DLGAP4: variants seen among roughly 807,000 people sequenced by gnomAD.
The protein encoded by DLGAP4 is disks large-associated protein 4.
A neutral mutation model predicts 86.9 loss-of-function variants in DLGAP4; 18 were observed. That is an observed-to-expected ratio of 0.21 (90% CI 0.14 to 0.31). DLGAP4 has a LOEUF of 0.31. Among genes scored for constraint, DLGAP4 ranks in the 10% least tolerant of loss-of-function variants. The pLI is 1.00. For missense variants in DLGAP4, 1,085 were observed against 1,362.6 expected, an observed-to-expected ratio of 0.80 and a Z score of 3.21; for synonymous variants, 548 against 574.3, an observed-to-expected ratio of 0.95 and a Z score of 0.65.
intron 1 of DLGAP4, among the ~76,000 whole-genome samples, chr20:36,326,306 T>G (rs1363265296): frequency 4.6e-5 from 7 of 152,228 alleles, no homozygotes; most frequent in African/African-American, 1.4e-4. Flanking sequence ...TCTTTTCTTA[T>G]TTTTCTGCTA....
chr20:36,378,395 T>C (rs1018876533), intron 2 of DLGAP4, among the ~76,000 whole-genome samples: 2 of 152,234 alleles, frequency 1.3e-5, no homozygotes, highest in African/African-American at 4.8e-5. Context: ...GTTATCATTA[T>C]TATTTGGGCT....
At chr20:36,421,178 G>A (rs548329082) in intron 2 of DLGAP4, among the ~76,000 whole-genome samples, 5 of 151,432 alleles carry the variant, frequency 3.3e-5, no homozygotes, top group Non-Finnish European at 5.9e-5. Flanking sequence ...ACTAGGGGCC[G>A]GGCGCGGTGG....
chr20:36,526,144 G>A (rs1264415751), intron 12 of DLGAP4, 138 bp downstream of exon 12: 7 of 1,274,444 alleles, frequency 5.5e-6, no homozygotes, highest in South Asian at 3.7e-5. Flanking sequence ...CCATCACTGC[G>A]TGGGGTCCAT....
At position 36,341,771 on chromosome 20, in the gene DLGAP4, C is replaced by T. The variant is rs115692013; in HGVS notation, c.-303-25274C>T. Reference sequence around the variant, plus strand: ...TGAACAGATGGGAGAACAAGCTTCTCCCAGAGTCACCCAGACATCGGGGGA... The same window carrying T: ...TGAACAGATGGGAGAACAAGCTTCTTCCAGAGTCACCCAGACATCGGGGGA... On this transcript the variant is annotated intron_variant, in intron 1 of 12. Coordinates refer to ENST00000339266, the MANE Select transcript of DLGAP4 (RefSeq NM_001365621.2). 6.8e-3 allele frequency among the ~76,000 whole-genome samples: 1,042 copies of T among 152,294 alleles called. 16 individuals are homozygous for T. The highest frequency in any genetic ancestry group is 0.024 in the African/African-American group (997 of 41,564).
chr20:36,453,529 G>T (rs1438101158), intron 7 of DLGAP4, among the ~76,000 whole-genome samples: 4 of 152,090 alleles, frequency 2.6e-5, no homozygotes, highest in Admixed American at 2.6e-4. Context: ...ACAGCTACTT[G>T]GGAGGCTGAG....
At chr20:36,489,001 C>T (rs757376914) in intron 7 of DLGAP4, among the ~76,000 whole-genome samples, 1 of 152,214 alleles carries the variant, frequency 6.6e-6, no homozygotes, top group Non-Finnish European at 1.5e-5. Context: ...CCTTCTTGCA[C>T]TGAGAACACT....
At chr20:36,425,556 T>C (rs1399194714) in intron 2 of DLGAP4, among the ~76,000 whole-genome samples, 2 of 117,000 alleles carry the variant, frequency 1.7e-5, no homozygotes, top group African/African-American at 3.3e-5. Context: ...CTGGGCGTGG[T>C]GGCTCGCCTG....
At chr20:36,391,719 C>A (rs1208534469) in intron 2 of DLGAP4, among the ~76,000 whole-genome samples, 1 of 152,204 alleles carries the variant, frequency 6.6e-6, no homozygotes, top group Non-Finnish European at 1.5e-5. Flanking sequence ...CTTCACCCCC[C>A]AGTCTATAGT....
At position 36,327,826 on chromosome 20, in the gene DLGAP4, C is replaced by T. The variant is rs1555891131; in HGVS notation, c.-304+21314C>T. Among the ~76,000 whole-genome samples the T allele has an allele frequency of 2.7e-5, 4 of 146,704 alleles. No individual in the cohort carries two copies. The South Asian group carries it at 6.4e-4, about 23-fold the overall frequency. The stretch of plus-strand genomic sequence containing the variant: ...CGGGATGGTCTCGATCTCCTGACCT[C>T]GTGATCCGCCCGCCTCGGCCTCCCA... On this transcript the variant is annotated intron_variant, in intron 1 of 12. Coordinates refer to ENST00000339266, the MANE Select transcript of DLGAP4 (RefSeq NM_001365621.2).
At chr20:36,445,310 C>T (rs1382783240) in intron 6 of DLGAP4, among the ~76,000 whole-genome samples, 1 of 152,182 alleles carries the variant, frequency 6.6e-6, no homozygotes, top group African/African-American at 2.4e-5. Flanking sequence ...TTGAGACCAG[C>T]CTAGCCAATA....
chr20:36,320,693 CT>C (rs1441858337), intron 1 of DLGAP4, among the ~76,000 whole-genome samples: 1 of 152,194 alleles, frequency 6.6e-6, no homozygotes, highest in Non-Finnish European at 1.5e-5. Flanking sequence ...CTGGGCCCCC[CT>C]GAGCCCTTTG....
Position 36,500,192 on chromosome 20 carries a change from C to T in DLGAP4, c.2100-7C>T. On this transcript the variant is annotated splice_polypyrimidine_tract_variant and splice_region_variant and intron_variant, in intron 9 of 12. Transcript: ENST00000339266. This position sits in a 1 kb window ranked among gnomAD's most constrained non-coding sequence, Gnocchi z 4.6. Reference sequence around the variant, plus strand: ...CTGTCCCCACCCCATCCACCCCCTACCCACAGAAGCAGCGTCCCCTCTCAC... The same window carrying T: ...CTGTCCCCACCCCATCCACCCCCTATCCACAGAAGCAGCGTCCCCTCTCAC... 1.4e-6 allele frequency: 2 copies of T among 1,479,000 alleles called. No homozygotes were observed. Among genetic ancestry groups the T allele is most frequent in the Admixed American group, 2.2e-5 (1 of 45,948 alleles). 91.6% of individuals were successfully genotyped at this position (1,479,000 alleles called of 1,614,324 possible).
chr20:36,455,321 C>T (rs868139350), intron 7 of DLGAP4, among the ~76,000 whole-genome samples: 2 of 152,082 alleles, frequency 1.3e-5, no homozygotes, highest in Admixed American at 6.6e-5. Context: ...CCCTCCTCCC[C>T]GTCCTCCCTT....
At chr20:36,316,257 C>G (rs1246770773) in intron 1 of DLGAP4, among the ~76,000 whole-genome samples, 2 of 152,238 alleles carry the variant, frequency 1.3e-5, no homozygotes, top group East Asian at 3.9e-4. Context: ...GGCCCAGAGC[C>G]CTGAATGAGG....
intron 2 of DLGAP4, among the ~76,000 whole-genome samples, chr20:36,380,583 G>C (rs1416510385): frequency 7.0e-6 from 1 of 143,368 alleles, no homozygotes; most frequent in African/African-American, 2.6e-5. Flanking sequence ...GCAAGACCCT[G>C]TCTGCATTAA....
intron 7 of DLGAP4, among the ~76,000 whole-genome samples, chr20:36,466,690 T>C (rs1333126599): frequency 1.3e-5 from 2 of 152,228 alleles, no homozygotes; most frequent in Non-Finnish European, 2.9e-5. Flanking sequence ...AGCCACATTC[T>C]AGAGCTAAAA....
intron 7 of DLGAP4, among the ~76,000 whole-genome samples, chr20:36,477,775 CA>C (rs2035011699): frequency 6.6e-6 from 1 of 152,198 alleles, no homozygotes; most frequent in African/African-American, 2.4e-5. Flanking sequence ...AGAATCCTAG[CA>C]CAGTGTTTGG....
At chr20:36,420,686 A>C (rs983258590) in intron 2 of DLGAP4, among the ~76,000 whole-genome samples, 1 of 151,878 alleles carries the variant, frequency 6.6e-6, no homozygotes, top group Non-Finnish European at 1.5e-5. Context: ...AAAAACACAA[A>C]AATTAGGCTG....
At chr20:36,364,952 A>C (rs2030632966) in intron 1 of DLGAP4, among the ~76,000 whole-genome samples, 1 of 151,930 alleles carries the variant, frequency 6.6e-6, no homozygotes, top group Non-Finnish European at 1.5e-5. Context: ...AAAATTAGTC[A>C]GGTGTGGTGG....
Sources: gnomAD v4.1 joint callset for allele counts (sites outside exome capture counted in the v4.1 genomes callset) on GRCh38, gnomAD v4.1.1 for gene constraint, Gnocchi (gnomAD v3.1) non-coding constraint, MANE v1.5 for transcripts, NCBI Gene and HGNC (gene_info 2026-07-23, HGNC 2026-07-21) for gene names.